The following PDZRN3 variants were observed in gnomAD, a reference collection of about 807,000 sequenced individuals.
PDZRN3 encodes PDZ domain containing ring finger 3.
In PDZRN3, 38 loss-of-function variants were observed where a neutral mutation model predicts 85.7. The observed-to-expected ratio is 0.44, with a 90% CI of 0.34 to 0.58. PDZRN3 has a LOEUF of 0.58. Ranked by LOEUF, PDZRN3 falls within the 20% of genes least tolerant of loss-of-function variation. The pLI, the probability that PDZRN3 is intolerant of heterozygous loss-of-function variation, is 0.01. For synonymous variants in PDZRN3, 759 were observed against 638.0 expected (o/e 1.19, Z -2.86); for missense variants, 1,629 against 1,506.4 (o/e 1.08, Z -1.35).
intron 3 of PDZRN3, among the ~76,000 whole-genome samples, chr3:73,528,811 C>T (rs1177872553): frequency 5.3e-5 from 8 of 151,692 alleles, no homozygotes; most frequent in Admixed American, 3.3e-4. Context: ...TGCATCAATG[C>T]TTTTTGGAGT....
chr3:73,388,423 A>G (rs1206794915), intron 7 of PDZRN3, among the ~76,000 whole-genome samples: 1 of 152,210 alleles, frequency 6.6e-6, no homozygotes, highest in East Asian at 1.9e-4. Flanking sequence ...AGGCAGGAGT[A>G]TATGTAGACA....
intron 3 of PDZRN3, among the ~76,000 whole-genome samples, chr3:73,405,548 T>C (rs1365561465): frequency 6.6e-6 from 1 of 152,222 alleles, no homozygotes; most frequent in Non-Finnish European, 1.5e-5. Flanking sequence ...AATGATGGTA[T>C]AGGAATCATA....
At chr3:73,446,355 T>C (rs1237591432) in intron 3 of PDZRN3, among the ~76,000 whole-genome samples, 1 of 152,216 alleles carries the variant, frequency 6.6e-6, no homozygotes, top group Non-Finnish European at 1.5e-5. Flanking sequence ...CAGCAGCTAA[T>C]GACCAATCAT....
At position 73,624,321 on chromosome 3, in the gene PDZRN3, GCGCCCGCAGCGCTCGCGCGCAGCAGTGGC is replaced by G. The variant is rs1702927523; in HGVS notation, c.476_504del (p.Gly159AlafsTer40). ...AGGCGGGCCTGGAGCGCGCCGTTGT[GCGCCCGCAGCGCTCGCGCGCAGCAGTGGC>G]CGCCCGCGCGCTGCTCGCCGTGCGT... On this transcript the variant is annotated frameshift_variant, in exon 1 of 10. Coordinates refer to ENST00000263666, the MANE Select transcript of PDZRN3 (RefSeq NM_015009.3). LOFTEE classifies it high-confidence loss of function. The G allele has an allele frequency of 5.3e-6, 7 of 1,311,964 alleles. No individual in the cohort carries two copies. The highest frequency in any genetic ancestry group is 2.3e-5 in the South Asian group (1 of 44,394). 81.3% of individuals were successfully genotyped at this position (1,311,964 alleles called of 1,614,324 possible).
chr3:73,497,917 A>C (rs1015883728), intron 3 of PDZRN3, among the ~76,000 whole-genome samples: 6 of 151,968 alleles, frequency 3.9e-5, no homozygotes, highest in African/African-American at 1.5e-4. Context: ...AGGGAGAAGC[A>C]CTTTAGGTAT....
At chr3:73,529,696 A>G (rs1402628726) in intron 3 of PDZRN3, among the ~76,000 whole-genome samples, 2 of 152,266 alleles carry the variant, frequency 1.3e-5, no homozygotes, top group Non-Finnish European at 2.9e-5. Flanking sequence ...GGATAGAAAG[A>G]TAAGAAATCT....
At chr3:73,620,165 C>G (rs865937528) in intron 1 of PDZRN3, among the ~76,000 whole-genome samples, 3 of 152,192 alleles carry the variant, frequency 2.0e-5, no homozygotes, top group African/African-American at 7.2e-5. Flanking sequence ...TTCAGAAACT[C>G]TGGTTTGGAC....
chr3:73,540,087 GAA>G (rs1168662549), intron 3 of PDZRN3, among the ~76,000 whole-genome samples: 5,405 of 50,086 alleles, frequency 0.11, 93 homozygotes, highest in African/African-American at 0.23. Context: ...ACTGTTGGAT[GAA>G]AAAAAAAAAA....
At chr3:73,599,658 G>A (rs1045195922) in intron 3 of PDZRN3, among the ~76,000 whole-genome samples, 2 of 152,220 alleles carry the variant, frequency 1.3e-5, no homozygotes, top group African/African-American at 2.4e-5. Context: ...TGCAACTCTT[G>A]TATAAATCAA....
At position 73,391,022 on chromosome 3, in the gene PDZRN3, C is replaced by G; in HGVS notation, c.1349G>C (p.Ser450Thr). 6.2e-7 allele frequency: 1 copy of G among 1,607,538 alleles called. No homozygotes were observed. The highest frequency in any genetic ancestry group is 1.1e-5 in the South Asian group (1 of 90,846). Residue 450 changes from serine to threonine, a missense_variant, in exon 6 of 10, where the codon AGT becomes ACT. Transcript: ENST00000263666. Reference sequence around the variant, plus strand: ...AAACAAAATCAGCCTTTGTACCTCACTGATATAAATCCCAATGTCGTCTTC... The same window carrying G: ...AAACAAAATCAGCCTTTGTACCTCAGTGATATAAATCCCAATGTCGTCTTC... ...DDEDDIGIYISEIDPNSIAAK... is the reference protein window; with the variant it reads ...DDEDDIGIYITEIDPNSIAAK...
chr3:73,452,184 C>G (rs1177600495), intron 3 of PDZRN3, among the ~76,000 whole-genome samples: 1 of 152,064 alleles, frequency 6.6e-6, no homozygotes, highest in Admixed American at 6.5e-5. Flanking sequence ...TCCTTTATCT[C>G]CAGCCATCAT....
chr3:73,463,948 G>T (rs2106871204), intron 3 of PDZRN3, among the ~76,000 whole-genome samples: 1 of 151,720 alleles, frequency 6.6e-6, no homozygotes, highest in South Asian at 2.1e-4. Context: ...GAACTTAAAA[G>T]TTTTAAAAAA....
intron 3 of PDZRN3, among the ~76,000 whole-genome samples, chr3:73,571,313 T>G (rs1702043182): frequency 6.6e-6 from 1 of 152,224 alleles, no homozygotes; most frequent in South Asian, 2.1e-4. Flanking sequence ...ACACTCCCGC[T>G]ATTCAGTATT....
chr3:73,443,570 T>C (rs968139267), intron 3 of PDZRN3, among the ~76,000 whole-genome samples: 1 of 148,024 alleles, frequency 6.8e-6, no homozygotes, highest in African/African-American at 2.6e-5. Flanking sequence ...ACTGCAGCAC[T>C]GAACTCTCGG....
chr3:73,453,330 C>T (rs1427212142), intron 3 of PDZRN3, among the ~76,000 whole-genome samples: 3 of 140,200 alleles, frequency 2.1e-5, no homozygotes, highest in South Asian at 2.4e-4. Context: ...CACTTGAAGC[C>T]GGGAGGCGGA....
intron 3 of PDZRN3, among the ~76,000 whole-genome samples, chr3:73,597,644 G>T (rs994645123): frequency 6.6e-6 from 1 of 151,580 alleles, no homozygotes; most frequent in African/African-American, 2.4e-5. Context: ...TTGAAGACTG[G>T]CAAGAAATAT....
At chr3:73,412,098 G>A (rs558527547) in intron 3 of PDZRN3, among the ~76,000 whole-genome samples, 2 of 152,260 alleles carry the variant, frequency 1.3e-5, no homozygotes, top group African/African-American at 4.8e-5. Context: ...AAGATGACAT[G>A]CTTCTTTTTT....
intron 3 of PDZRN3, among the ~76,000 whole-genome samples, chr3:73,499,475 A>C: frequency 6.6e-6 from 1 of 152,078 alleles, no homozygotes; most frequent in East Asian, 1.9e-4. Context: ...TCCTTACACC[A>C]ACTCACCACC....
In PDZRN3 at chr3:73,602,369, A is replaced by G. The variant is rs763719618; in HGVS notation, c.903T>C (p.His301=). 2.5e-6 allele frequency: 4 copies of G among 1,584,342 alleles called. No individual in the cohort carries two copies. The highest frequency in any genetic ancestry group is 3.3e-5 in the Admixed American group (2 of 59,932). Residue 301 remains histidine, a synonymous_variant, in exon 3 of 10, where the codon CAT becomes CAC. Coordinates refer to ENST00000263666, the MANE Select transcript of PDZRN3 (RefSeq NM_015009.3). ...PAAKEGGLQI[H]DRIIEVNGRD... ...ATTCACATACCTCAATAATCCTGTC[A>G]TGAATTTGCAGGCCTCCTTCCTTGG...
Sources: allele counts gnomAD v4.1 joint callset (sites outside exome capture counted in the v4.1 genomes callset), GRCh38; gene constraint gnomAD v4.1.1; transcripts MANE v1.5; gene names NCBI Gene and HGNC (gene_info 2026-07-23, HGNC 2026-07-21).